MIPEP: variants seen among roughly 807,000 people sequenced by gnomAD.
The protein encoded by MIPEP is mitochondrial intermediate peptidase.
In MIPEP, 79 loss-of-function variants were observed where a neutral mutation model predicts 90.3. The observed-to-expected ratio is 0.87, with a 90% CI of 0.73 to 1.05. The LOEUF (loss-of-function observed/expected upper bound fraction) is 1.05. Among genes scored for constraint, MIPEP ranks in the 50% least tolerant of loss-of-function variants. MIPEP has a pLI of 0.00. For missense variants in MIPEP, 940 were observed against 905.6 expected (o/e 1.04, Z -0.49); for synonymous variants, 334 against 315.8 (o/e 1.06, Z -0.61).
chr13:23,845,327 G>A (rs1159658585), intron 10 of MIPEP, among the ~76,000 whole-genome samples: 1 of 152,174 alleles, frequency 6.6e-6, no homozygotes, highest in Admixed American at 6.5e-5. Flanking sequence ...ATGAGCAGAG[G>A]AGGCAAGGTC....
At chr13:23,860,342 C>A (rs1870235842) in intron 9 of MIPEP, among the ~76,000 whole-genome samples, 2 of 152,196 alleles carry the variant, frequency 1.3e-5, no homozygotes, top group South Asian at 4.1e-4. Context: ...GCTCACCATG[C>A]CATATTTATG....
chr13:23,852,999 TA>T (rs1234347524), intron 10 of MIPEP, among the ~76,000 whole-genome samples: 1 of 152,004 alleles, frequency 6.6e-6, no homozygotes, highest in Non-Finnish European at 1.5e-5. Context: ...GAGTAAGGAT[TA>T]AAAAAAGAGA....
intron 16 of MIPEP, among the ~76,000 whole-genome samples, chr13:23,797,023 G>C (rs1195039305): frequency 3.9e-5 from 6 of 152,176 alleles, no homozygotes; most frequent in Non-Finnish European, 5.9e-5. Context: ...TAATAGAAAG[G>C]AGCAGAGCAT....
chr13:23,751,500 A>G (rs552147885), intron 18 of MIPEP, among the ~76,000 whole-genome samples: 104 of 152,344 alleles, frequency 6.8e-4, no homozygotes, highest in African/African-American at 2.4e-3. Context: ...AAAACTCCAT[A>G]AAGTTATTAT....
chr13:23,853,497 G>A (rs901973127), intron 10 of MIPEP, among the ~76,000 whole-genome samples: 9 of 151,858 alleles, frequency 5.9e-5, no homozygotes, highest in Admixed American at 1.3e-4. Flanking sequence ...GTGTGTGTAG[G>A]CTATACCCTT....
Position 23,858,887 on chromosome 13 carries a change from T to C in MIPEP, c.1079A>G (p.Tyr360Cys). The C allele has an allele frequency of 1.2e-6, 2 of 1,613,586 alleles. No homozygotes were observed. Among genetic ancestry groups the C allele is most frequent in the Non-Finnish European group, 1.7e-6 (2 of 1,179,618 alleles). The change falls in exon 10 of 19, where the codon TAC becomes TGC. Residue 360 changes from tyrosine to cysteine, a missense_variant. By Grantham distance (194) the Tyr-to-Cys change is radical. Coordinates refer to ENST00000382172, the MANE Select transcript of MIPEP (RefSeq NM_005932.4). ...NSEVMPWDPPYYSGVIRAERY... is the reference protein window; with the variant it reads ...NSEVMPWDPPCYSGVIRAERY... ...TTCTGCACGAATCACACCACTGTAG[T>C]AAGGGGGGTCCCAGGGCATTACTTC... is the stretch of plus-strand genomic sequence containing the variant.
At chr13:23,809,356 T>TC (rs1210770232) in intron 15 of MIPEP, among the ~76,000 whole-genome samples, 1 of 151,906 alleles carries the variant, frequency 6.6e-6, no homozygotes, top group African/African-American at 2.4e-5. Flanking sequence ...TAGTCTTTTT[T>TC]TTTTTTTGAG....
intron 16 of MIPEP, among the ~76,000 whole-genome samples, chr13:23,770,432 G>A (rs993660499): frequency 9.9e-5 from 15 of 152,154 alleles, no homozygotes; most frequent in African/African-American, 3.6e-4. Context: ...AAAAGGGGAG[G>A]GGGTCAGGAT....
Position 23,761,964 on chromosome 13 carries a change from A to C in MIPEP, c.1849-1747T>G, listed in dbSNP as rs866018405. ...ACATGGTGAAACCCTGTCTCTACTA[A>C]ACATACAAAAATTAGCCAGGCGTGG... On this transcript the variant is annotated intron_variant, in intron 16 of 18. Transcript: ENST00000382172. Among the ~76,000 whole-genome samples the C allele has an allele frequency of 1.6e-4, 24 of 152,210 alleles. No homozygotes were observed. The Middle Eastern group carries it at 0.014, about 86-fold the overall frequency.
chr13:23,770,184 C>T (rs897643685), intron 16 of MIPEP, among the ~76,000 whole-genome samples: 2 of 152,184 alleles, frequency 1.3e-5, no homozygotes, highest in Non-Finnish European at 2.9e-5. Context: ...CCTGGAATGG[C>T]TTCCTCAGAC....
At chr13:23,874,577 C>T (rs2050184974) in intron 5 of MIPEP, among the ~76,000 whole-genome samples, 1 of 152,172 alleles carries the variant, frequency 6.6e-6, no homozygotes. Flanking sequence ...CCTGATATTG[C>T]CTATCTCATC....
At chr13:23,750,546 T>A (rs536390741) in intron 18 of MIPEP, among the ~76,000 whole-genome samples, 1 of 152,332 alleles carries the variant, frequency 6.6e-6, no homozygotes, top group Admixed American at 6.5e-5. Context: ...ATATCAAGGA[T>A]GCATACTGTC....
At chr13:23,788,499 T>C (rs1437789760) in intron 16 of MIPEP, among the ~76,000 whole-genome samples, 1 of 152,208 alleles carries the variant, frequency 6.6e-6, no homozygotes, top group Non-Finnish European at 1.5e-5. Flanking sequence ...AACTGTATAG[T>C]AGCTCTCGAA....
chr13:23,762,769 C>T (rs567645363), intron 16 of MIPEP, among the ~76,000 whole-genome samples: 1 of 152,328 alleles, frequency 6.6e-6, no homozygotes, highest in African/African-American at 2.4e-5. Context: ...ACCTGTATCC[C>T]TACCTCACAG....
At chr13:23,880,007 G>A (rs1395889926) in intron 3 of MIPEP, among the ~76,000 whole-genome samples, 1 of 151,974 alleles carries the variant, frequency 6.6e-6, no homozygotes, top group East Asian at 1.9e-4. Flanking sequence ...AAATGCCATG[G>A]CCCCCTCAAA....
intron 16 of MIPEP, among the ~76,000 whole-genome samples, chr13:23,792,857 C>G (rs1487135029): frequency 6.6e-6 from 1 of 152,138 alleles, no homozygotes; most frequent in Non-Finnish European, 1.5e-5. Flanking sequence ...TGAAGAAGCA[C>G]CCAGTATGAG....
chr13:23,878,234 T>C (rs1351797621), intron 4 of MIPEP, among the ~76,000 whole-genome samples: 2 of 152,224 alleles, frequency 1.3e-5, no homozygotes, highest in Non-Finnish European at 2.9e-5. Context: ...AATATAACGA[T>C]AAAGCTTAAA....
chr13:23,808,285 G>C (rs1322018041), intron 15 of MIPEP, among the ~76,000 whole-genome samples: 1 of 152,012 alleles, frequency 6.6e-6, no homozygotes, highest in Non-Finnish European at 1.5e-5. Context: ...ATTTTTAGTA[G>C]AGTTGGGGTT....
At chr13:23,878,948 C>G (rs1030200198) in intron 4 of MIPEP, among the ~76,000 whole-genome samples, 9 of 152,184 alleles carry the variant, frequency 5.9e-5, no homozygotes, top group African/African-American at 2.2e-4. Flanking sequence ...GGGAACAAAA[C>G]AGACCAAGCC....
Sources: allele counts gnomAD v4.1 joint callset (sites outside exome capture counted in the v4.1 genomes callset), GRCh38; gene constraint gnomAD v4.1.1; transcripts MANE v1.5; gene names NCBI Gene and HGNC (gene_info 2026-07-23, HGNC 2026-07-21).